Variants in EIF2AK2 observed in about 807,000 individuals in gnomAD.
The protein encoded by EIF2AK2 is eukaryotic translation initiation factor 2 alpha kinase 2.
Under a neutral mutation model 70.5 loss-of-function variants are expected in EIF2AK2, and 40 were observed. That is an observed-to-expected ratio of 0.57 (90% CI 0.44 to 0.74). EIF2AK2 has a LOEUF of 0.74. Among genes scored for constraint, EIF2AK2 ranks in the 30% least tolerant of loss-of-function variants. The pLI, the probability that EIF2AK2 is intolerant of heterozygous loss-of-function variation, is 0.00. For synonymous variants in EIF2AK2, 198 were observed against 220.9 expected (o/e 0.90, Z 0.92); for missense variants, 555 against 644.3 (o/e 0.86, Z 1.50).
At chr2:37,119,008 G>A (rs3770768) in intron 13 of EIF2AK2, among the ~76,000 whole-genome samples, 14,771 of 152,198 alleles carry the variant, frequency 0.097, 860 homozygotes, top group South Asian at 0.14. Flanking sequence ...GGGGCAGGCA[G>A]AAGAGTGTCC....
chr2:37,154,344 AAAAC>A (rs777656061), intron 1 of EIF2AK2, among the ~76,000 whole-genome samples: 177 of 152,052 alleles, frequency 1.2e-3, no homozygotes, highest in Middle Eastern at 6.8e-3. Context: ...AAACAAAAAC[AAAAC>A]AAACAAACAA....
intron 10 of EIF2AK2, among the ~76,000 whole-genome samples, chr2:37,134,525 G>C (rs1167418973): frequency 6.6e-6 from 1 of 152,160 alleles, no homozygotes; most frequent in African/African-American, 2.4e-5. Context: ...GGCCTAATTT[G>C]TGCTGCCCCT....
Position 37,114,788 on chromosome 2 carries a change from TTTC to T in EIF2AK2, c.1317_1319del (p.Lys440del). ...TACTCCTTGTTCGCTTTCCATCATT[TTTC>T]AGAGATGTTACAAGTCCAAAGTCTC... On this transcript the variant is annotated inframe_deletion, in exon 14 of 17. Transcript: ENST00000233057. The T allele has an allele frequency of 6.2e-7, 1 of 1,605,858 alleles. No individual in the cohort carries two copies. Among genetic ancestry groups the T allele is most frequent in the South Asian group, 1.1e-5 (1 of 89,678 alleles).
chr2:37,106,471 G>A lies in EIF2AK2; in HGVS notation c.*802C>T, dbSNP rs962996212. 1 of 151,728 alleles carries A rather than the reference G, an allele frequency of 6.6e-6. No homozygotes were observed. Among genetic ancestry groups the A allele is most frequent in the African/African-American group, 2.4e-5 (1 of 41,244 alleles). 9.4% of individuals were successfully genotyped at this position (151,728 alleles called of 1,614,324 possible). A position where few individuals can be genotyped will look rare whatever the true frequency, so the allele number is the denominator to read the frequency against. On this transcript the variant is annotated 3_prime_UTR_variant, in exon 17 of 17. Coordinates refer to ENST00000233057, the MANE Select transcript of EIF2AK2 (RefSeq NM_001135651.3). Reference sequence around the variant, plus strand: ...CAGGGTTTTATGGACATTCTTGTAAGCACGTATGTAGGAATAGAATTGATA... The same window carrying A: ...CAGGGTTTTATGGACATTCTTGTAAACACGTATGTAGGAATAGAATTGATA...
At chr2:37,140,882 T>C (rs1252926532) in intron 5 of EIF2AK2, among the ~76,000 whole-genome samples, 1 of 131,636 alleles carries the variant, frequency 7.6e-6, no homozygotes, top group Admixed American at 7.1e-5. Context: ...TTTTTTCTTC[T>C]TTCTCTTTAA....
chr2:37,114,601 G>A (rs1387792474), intron 14 of EIF2AK2, 130 bp downstream of exon 14: 3 of 741,700 alleles, frequency 4.0e-6, no homozygotes, highest in Non-Finnish European at 5.7e-6. Context: ...AATAGGGGTA[G>A]AAAAGAATGG....
chr2:37,113,591 T>C (rs1042216256), intron 14 of EIF2AK2, among the ~76,000 whole-genome samples: 1 of 151,420 alleles, frequency 6.6e-6, no homozygotes, highest in Non-Finnish European at 1.5e-5. Flanking sequence ...ATAATATAGT[T>C]AACAGATACG....
chr2:37,145,828 C>G (rs1675518657), intron 4 of EIF2AK2, among the ~76,000 whole-genome samples: 1 of 130,180 alleles, frequency 7.7e-6, no homozygotes, highest in African/African-American at 2.9e-5. Flanking sequence ...CCTCAGCTCA[C>G]TGCAACCTCC....
chr2:37,139,218 G>T (rs1313520417), intron 6 of EIF2AK2, among the ~76,000 whole-genome samples: 1 of 151,782 alleles, frequency 6.6e-6, no homozygotes, highest in Admixed American at 6.6e-5. Flanking sequence ...AGTAGGCTGA[G>T]GCAGGAGAAT....
intron 5 of EIF2AK2, among the ~76,000 whole-genome samples, chr2:37,140,609 C>CG (rs1553339029): frequency 6.6e-6 from 1 of 151,210 alleles, no homozygotes; most frequent in Non-Finnish European, 1.5e-5. Context: ...TGCCCCCCCC[C>CG]GCAAACAGAT....
At position 37,136,978 on chromosome 2, in the gene EIF2AK2, C is replaced by G; in HGVS notation, c.722+5G>C. ...AAAATATGTTCAATGCATAATGATA[C>G]TCACCTTTTTGCCTTCCTTTGATTA... On this transcript the variant is annotated splice_donor_5th_base_variant and intron_variant, in intron 9 of 16. Transcript: ENST00000233057. The G allele has an allele frequency of 6.2e-7, 1 of 1,601,688 alleles. No individual in the cohort carries two copies. The highest frequency in any genetic ancestry group is 8.5e-7 in the Non-Finnish European group (1 of 1,175,724).
chr2:37,112,190 G>A (rs1237588410), intron 14 of EIF2AK2, among the ~76,000 whole-genome samples: 1 of 152,022 alleles, frequency 6.6e-6, no homozygotes, highest in Non-Finnish European at 1.5e-5. Context: ...CAGTGACTCA[G>A]ATAGCATTTT....
chr2:37,136,617 G>A (rs4648199), intron 9 of EIF2AK2: 4,758 of 159,294 alleles, frequency 0.03, 101 homozygotes, highest in Middle Eastern at 0.05. Flanking sequence ...CATAGCATTT[G>A]ACCTTTTTTT....
chr2:37,154,790 GACCTCAGGTGATCCACCC>G (rs1675865833), intron 1 of EIF2AK2, among the ~76,000 whole-genome samples: 1 of 152,074 alleles, frequency 6.6e-6, no homozygotes, highest in African/African-American at 2.4e-5. Flanking sequence ...TCAAACTCCT[GACCTCAGGTGATCCACCC>G]ACCTTGGCCT....
At chr2:37,130,935 C>T (rs967670701) in intron 10 of EIF2AK2, among the ~76,000 whole-genome samples, 12 of 152,336 alleles carry the variant, frequency 7.9e-5, no homozygotes, top group Middle Eastern at 3.4e-3. Flanking sequence ...AATTTAACCT[C>T]TCCAAACGTT....
chr2:37,128,565 T>C (rs751951927), intron 10 of EIF2AK2, among the ~76,000 whole-genome samples: 6 of 152,202 alleles, frequency 3.9e-5, no homozygotes, highest in Non-Finnish European at 7.3e-5. Context: ...TCAATTAAAC[T>C]GTTCGGGTGG....
rs992176480 is a variant in EIF2AK2 at position 37,102,673 on chromosome 2, T to C, written c.*4600A>G. 1.3e-5 allele frequency: 2 copies of C among 152,206 alleles called. No homozygotes were observed. Among genetic ancestry groups the C allele is most frequent in the African/African-American group, 4.8e-5 (2 of 41,462 alleles). The allele number at this position is 152,206 out of a possible 1,614,324, so 9.4% of individuals were successfully genotyped here. On this transcript the variant is annotated 3_prime_UTR_variant, in exon 17 of 17. Coordinates refer to ENST00000233057, the MANE Select transcript of EIF2AK2 (RefSeq NM_001135651.3). ...CTTCATGGACATGCAACCTGTGCAG[T>C]TGCACAAGACTGTGCTTAGAAGCAC...
At chr2:37,121,206 T>C (rs1674535118) in intron 12 of EIF2AK2, among the ~76,000 whole-genome samples, 1 of 124,634 alleles carries the variant, frequency 8.0e-6, no homozygotes, top group African/African-American at 3.1e-5. Context: ...GAGCTTGCAG[T>C]GAGCCAAGAT....
chr2:37,148,348 T>C (rs987642771), intron 2 of EIF2AK2, among the ~76,000 whole-genome samples: 7 of 152,128 alleles, frequency 4.6e-5, no homozygotes, highest in African/African-American at 1.7e-4. Flanking sequence ...AGAGTATATA[T>C]AATAAGTGAA....
Sources: allele counts gnomAD v4.1 joint callset (sites outside exome capture counted in the v4.1 genomes callset), GRCh38; gene constraint gnomAD v4.1.1; transcripts MANE v1.5; gene names NCBI Gene and HGNC (gene_info 2026-07-23, HGNC 2026-07-21).